The following TMEM87B variants were observed in gnomAD, a reference collection of about 807,000 sequenced individuals.
TMEM87B encodes transmembrane protein 87B.
Under a neutral mutation model 80.3 loss-of-function variants are expected in TMEM87B, and 83 were observed. That is an observed-to-expected ratio of 1.03 (90% CI 0.87 to 1.24). TMEM87B has a LOEUF of 1.24. Among genes scored for constraint, TMEM87B ranks in the 50% most tolerant of loss-of-function variants. The pLI is 0.00. For missense variants in TMEM87B, 625 were observed against 674.4 expected (o/e 0.93, Z 0.81); for synonymous variants, 219 against 230.5 (o/e 0.95, Z 0.45).
intron 8 of TMEM87B, among the ~76,000 whole-genome samples, chr2:112,084,519 A>G (rs937363846): frequency 6.6e-6 from 1 of 152,174 alleles, no homozygotes; most frequent in Non-Finnish European, 1.5e-5. Flanking sequence ...CTCTCGCTGC[A>G]TGATACTGCC....
chr2:112,095,167 T>TTTC (rs1679426237), intron 11 of TMEM87B: 1 of 55,234 alleles, frequency 1.8e-5, no homozygotes, highest in African/African-American at 2.8e-4. Flanking sequence ...CTTTCTTTCT[T>TTTC]TTTTTTTTTT....
intron 10 of TMEM87B, among the ~76,000 whole-genome samples, chr2:112,090,161 T>G (rs893893119): frequency 1.3e-5 from 2 of 152,184 alleles, no homozygotes; most frequent in Non-Finnish European, 2.9e-5. Context: ...TTTCTCTGAC[T>G]CTTGGGGACT....
At chr2:112,081,260 A>G in intron 7 of TMEM87B, 75 bp from the exon 8 acceptor site, 1 of 1,458,048 alleles carries the variant, frequency 6.9e-7, no homozygotes, top group Non-Finnish European at 9.4e-7. Flanking sequence ...GAAGGGTTGG[A>G]TACTTGAATG....
intron 15 of TMEM87B, among the ~76,000 whole-genome samples, chr2:112,102,859 T>C (rs1283596863): frequency 3.3e-5 from 5 of 152,112 alleles, no homozygotes; most frequent in Non-Finnish European, 7.4e-5. Flanking sequence ...AATGGTGAAA[T>C]AGTGAACACT....
intron 6 of TMEM87B, among the ~76,000 whole-genome samples, chr2:112,080,479 T>C (rs955020005): frequency 1.3e-5 from 2 of 150,846 alleles, no homozygotes; most frequent in Admixed American, 6.6e-5. Context: ...CAGGATGGTC[T>C]CGATCTCCTG....
At chr2:112,057,676 C>A (rs1678121318) in intron 1 of TMEM87B, among the ~76,000 whole-genome samples, 1 of 152,176 alleles carries the variant, frequency 6.6e-6, no homozygotes, top group Non-Finnish European at 1.5e-5. Flanking sequence ...TGAATTTTAG[C>A]CACAGCCCCT....
At chr2:112,067,811 GT>G (rs1678481722) in intron 4 of TMEM87B, among the ~76,000 whole-genome samples, 1 of 152,194 alleles carries the variant, frequency 6.6e-6, no homozygotes, top group Non-Finnish European at 1.5e-5. Context: ...CCAATGGTCT[GT>G]TCCTCTTACC....
chr2:112,106,831 T>A (rs552025300), intron 16 of TMEM87B, among the ~76,000 whole-genome samples: 114 of 152,298 alleles, frequency 7.5e-4, no homozygotes, highest in African/African-American at 2.5e-3. Flanking sequence ...TCTGTTAGAT[T>A]TGGCAGATTC....
intron 15 of TMEM87B, among the ~76,000 whole-genome samples, chr2:112,105,179 A>G (rs1162820564): frequency 2.6e-5 from 4 of 152,290 alleles, no homozygotes; most frequent in Admixed American, 6.5e-5. Flanking sequence ...AAATCACTGT[A>G]TTCCCCTTCT....
At chr2:112,056,799 T>C (rs1678085258) in intron 1 of TMEM87B, among the ~76,000 whole-genome samples, 5 of 152,230 alleles carry the variant, frequency 3.3e-5, no homozygotes, top group Admixed American at 3.3e-4. Context: ...TCCTCCAGGA[T>C]TGGATTCTTC....
chr2:112,088,247 G>A lies in TMEM87B; in HGVS notation c.939-1378G>A, dbSNP rs544473167. On this transcript the variant is annotated intron_variant, in intron 9 of 18. Coordinates refer to ENST00000283206, the MANE Select transcript of TMEM87B (RefSeq NM_032824.3). Reference sequence around the variant, plus strand: ...AGGCCTCTTGTTGAGGAATCTTGCAGTACCTTTCACAGCTCTGGTTATGAA... The same window carrying A: ...AGGCCTCTTGTTGAGGAATCTTGCAATACCTTTCACAGCTCTGGTTATGAA... Among the ~76,000 whole-genome samples the A allele has an allele frequency of 2.0e-5, 3 of 152,364 alleles. No individual in the cohort carries two copies. The South Asian group carries it at 6.2e-4, about 32-fold the overall frequency.
chr2:112,071,796 CT>C (rs1678647528), intron 4 of TMEM87B, among the ~76,000 whole-genome samples: 1 of 152,132 alleles, frequency 6.6e-6, no homozygotes, highest in Admixed American at 6.5e-5. Context: ...CTTGATTGCT[CT>C]GGCCAGGACT....
intron 14 of TMEM87B, 152 bp from the exon 15 acceptor site, chr2:112,100,470 C>T: frequency 1.9e-6 from 1 of 517,120 alleles, no homozygotes; most frequent in Non-Finnish European, 3.4e-6. Flanking sequence ...ATAATTTTAG[C>T]TAATTTGAAA....
At chr2:112,101,603 C>T (rs1039977046) in intron 15 of TMEM87B, among the ~76,000 whole-genome samples, 1 of 152,068 alleles carries the variant, frequency 6.6e-6, no homozygotes, top group Non-Finnish European at 1.5e-5. Context: ...GTATTTTATA[C>T]TGTATTCTTA....
intron 6 of TMEM87B, 23 bp downstream of exon 6, chr2:112,077,305 T>A (rs749371689): frequency 1.5e-6 from 2 of 1,297,160 alleles, no homozygotes; most frequent in African/African-American, 3.0e-5. Context: ...TGCATGCATG[T>A]TTACTGTCTG....
At chr2:112,100,453 C>T (rs947763704) in intron 14 of TMEM87B, among the ~76,000 whole-genome samples, 169 bp from the exon 15 acceptor site, 3 of 152,216 alleles carry the variant, frequency 2.0e-5, no homozygotes, top group Admixed American at 1.3e-4. Flanking sequence ...TTCACAATTT[C>T]TTAATGATAA....
chr2:112,071,987 A>G (rs1678654152), intron 4 of TMEM87B, among the ~76,000 whole-genome samples: 1 of 152,212 alleles, frequency 6.6e-6, no homozygotes, highest in East Asian at 1.9e-4. Flanking sequence ...AGTTTTTAAC[A>G]TGAAAGGATG....
intron 11 of TMEM87B, among the ~76,000 whole-genome samples, chr2:112,093,740 G>A (rs977308990): frequency 1.1e-4 from 17 of 152,156 alleles, no homozygotes; most frequent in African/African-American, 3.4e-4. Context: ...TGTGAAGTCT[G>A]TTCCTCAGTT....
chr2:112,082,216 A>G (rs61043353), intron 8 of TMEM87B, among the ~76,000 whole-genome samples: 10,964 of 152,226 alleles, frequency 0.072, 881 homozygotes, highest in African/African-American at 0.2. Flanking sequence ...CTGAGTGACC[A>G]GTTACAAATG....
Sources: allele counts gnomAD v4.1 joint callset (sites outside exome capture counted in the v4.1 genomes callset), GRCh38; gene constraint gnomAD v4.1.1; transcripts MANE v1.5; gene names NCBI Gene and HGNC (gene_info 2026-07-23, HGNC 2026-07-21).